Variants in MBNL2 observed in about 807,000 individuals in gnomAD.
MBNL2 encodes muscleblind like splicing regulator 2.
In MBNL2, 17 loss-of-function variants were observed where a neutral mutation model predicts 41.9. That is an observed-to-expected ratio of 0.41 (90% confidence interval 0.28 to 0.61). The LOEUF (loss-of-function observed/expected upper bound fraction) is 0.61. Ranked by LOEUF, MBNL2 falls within the 20% of genes least tolerant of loss-of-function variation. MBNL2 has a pLI of 0.35. For missense variants in MBNL2, 336 were observed against 505.6 expected (o/e 0.66, Z 3.22); for synonymous variants, 195 against 182.9 (o/e 1.07, Z -0.53).
At chr13:97,214,670 G>T in the MBNL2 span, among the ~76,000 whole-genome samples, 1 of 152,150 alleles carries the variant, frequency 6.6e-6, no homozygotes, top group Non-Finnish European at 1.5e-5. Context: ...CTCACCTGCA[G>T]CTTAGAGACC....
the MBNL2 span, among the ~76,000 whole-genome samples, chr13:97,158,470 T>C: frequency 1.3e-5 from 2 of 152,176 alleles, no homozygotes; most frequent in Non-Finnish European, 2.9e-5. Context: ...CTTTTGTAGT[T>C]CTTTTAATTG....
chr13:97,240,472 T>TA (rs755053888), intron 1 of MBNL2, among the ~76,000 whole-genome samples: 14 of 152,278 alleles, frequency 9.2e-5, no homozygotes, highest in Admixed American at 1.3e-4. Flanking sequence ...ATAAATAAGA[T>TA]ATAGTTATCT....
At position 97,385,983 on chromosome 13, in the gene MBNL2, T is replaced by C. The variant is rs377663984; in HGVS notation, c.1049-5339T>C. ...ATCATGAGTGACAGGTATGGATGGCTCAGCCTAAATCCATCATCACATGGC... is the reference window on the plus strand; with the variant it reads ...ATCATGAGTGACAGGTATGGATGGCCCAGCCTAAATCCATCATCACATGGC... On this transcript the variant is annotated intron_variant, in intron 8 of 8. Transcript: ENST00000679496. Among the ~76,000 whole-genome samples the C allele has an allele frequency of 4.9e-4, 75 of 152,372 alleles. 1 individual carries two copies. The East Asian group carries it at 0.014, about 28-fold the overall frequency.
In MBNL2 at chr13:97,366,878, G is replaced by A. The variant is rs144928346; in HGVS notation, c.1048+1707G>A. Among the ~76,000 whole-genome samples the A allele has an allele frequency of 7.2e-4, 110 of 152,152 alleles. No homozygotes were observed. Among genetic ancestry groups the A allele is most frequent in the Non-Finnish European group, 9.3e-4 (63 of 68,004 alleles). ...GAATGGCCACATAAAAATTGTAGAC[G>A]CGCACCCATGGGTGCTTCAAAACTG... On this transcript the variant is annotated intron_variant, in intron 8 of 8. Transcript: ENST00000679496. The surrounding 1 kb of genome is among the most constrained non-coding windows in gnomAD (Gnocchi z 4.7).
intron 1 of MBNL2, among the ~76,000 whole-genome samples, chr13:97,254,802 G>A (rs918533978): frequency 1.3e-5 from 2 of 152,120 alleles, no homozygotes; most frequent in Admixed American, 1.3e-4. Context: ...TCAAATATGA[G>A]CAAACACGAC....
chr13:97,357,790 C>T, intron 7 of MBNL2, 155 bp downstream of exon 7: 1 of 773,450 alleles, frequency 1.3e-6, no homozygotes, highest in Admixed American at 1.9e-5. Context: ...ATTTACCTTA[C>T]TTTGAATGAT....
the MBNL2 span, among the ~76,000 whole-genome samples, chr13:97,199,007 A>C: frequency 6.6e-6 from 1 of 152,102 alleles, no homozygotes; most frequent in Non-Finnish European, 1.5e-5. Context: ...CAAGCCATAG[A>C]TCTTACAAAC....
At chr13:97,309,053 A>C (rs2058359249) in intron 2 of MBNL2, among the ~76,000 whole-genome samples, 1 of 152,150 alleles carries the variant, frequency 6.6e-6, no homozygotes, top group Admixed American at 6.5e-5. Context: ...AGAGGCAGAA[A>C]AGTGTGGGTG....
chr13:97,318,802 C>G (rs2059264388), intron 2 of MBNL2, among the ~76,000 whole-genome samples: 1 of 152,158 alleles, frequency 6.6e-6, no homozygotes, highest in Non-Finnish European at 1.5e-5. Context: ...CTAAGTTGGG[C>G]TGAATTTGAC....
the MBNL2 span, among the ~76,000 whole-genome samples, chr13:97,185,865 T>TA: frequency 6.6e-6 from 1 of 152,256 alleles, no homozygotes; most frequent in Non-Finnish European, 1.5e-5. Flanking sequence ...GGCAAGGCTC[T>TA]AGGCGCTCCA....
intron 1 of MBNL2, among the ~76,000 whole-genome samples, chr13:97,253,332 A>G (rs1350851231): frequency 6.6e-6 from 1 of 152,238 alleles, no homozygotes; most frequent in African/African-American, 2.4e-5. Context: ...TCCCAACCCT[A>G]CAGAATCTCA....
the MBNL2 span, among the ~76,000 whole-genome samples, chr13:97,208,354 A>G: frequency 2.6e-5 from 4 of 152,246 alleles, no homozygotes; most frequent in African/African-American, 9.6e-5. Context: ...GTAGGAATCA[A>G]TGATTGAGGA....
At chr13:97,247,480 C>T (rs567275727) in intron 1 of MBNL2, among the ~76,000 whole-genome samples, 1 of 152,286 alleles carries the variant, frequency 6.6e-6, no homozygotes, top group South Asian at 2.1e-4. Flanking sequence ...TAAACATGAA[C>T]CCCGACATAG....
In MBNL2 at chr13:97,374,063, A is replaced by ATTTTTTTTTTTTT. The variant is rs61185219; in HGVS notation, c.1048+8909_1048+8921dup. ...CACCTCAAATCCCATCCTCCTTTGC[A>ATTTTTTTTTTTTT]TTTTTTTTTTTTTTTTTTTTTTTTT... On this transcript the variant is annotated intron_variant, in intron 8 of 8. Coordinates refer to ENST00000679496, the MANE Select transcript of MBNL2 (RefSeq NM_001382683.1). 2.5e-3 allele frequency among the ~76,000 whole-genome samples: 156 copies of ATTTTTTTTTTTTT among 63,102 alleles called. 17 individuals are homozygous for ATTTTTTTTTTTTT. Among genetic ancestry groups the ATTTTTTTTTTTTT allele is most frequent in the Non-Finnish European group, 3.2e-3 (103 of 32,506 alleles). 41.4% of individuals were successfully genotyped at this position (63,102 alleles called of 152,430 possible). A position where few individuals can be genotyped will look rare whatever the true frequency, so the allele number is the denominator to read the frequency against.
chr13:97,161,523 C>G, the MBNL2 span, among the ~76,000 whole-genome samples: 1 of 152,108 alleles, frequency 6.6e-6, no homozygotes, highest in Non-Finnish European at 1.5e-5. Flanking sequence ...TGCAGTAACA[C>G]CTTGGGCTCA....
intron 1 of MBNL2, among the ~76,000 whole-genome samples, chr13:97,263,096 G>A (rs752547840): frequency 1.3e-5 from 2 of 151,822 alleles, no homozygotes; most frequent in African/African-American, 4.8e-5. Flanking sequence ...CTTGAAGTCC[G>A]TTTTGATCCA....
intron 1 of MBNL2, among the ~76,000 whole-genome samples, chr13:97,245,985 T>C (rs909567256): frequency 6.6e-6 from 1 of 152,176 alleles, no homozygotes; most frequent in African/African-American, 2.4e-5. Context: ...AGAATGTTTT[T>C]CTCCCTAATT....
At chr13:97,333,453 C>G (rs1247022204) in intron 2 of MBNL2, among the ~76,000 whole-genome samples, 1 of 152,198 alleles carries the variant, frequency 6.6e-6, no homozygotes, top group Non-Finnish European at 1.5e-5. Flanking sequence ...TATGTCACAT[C>G]ATGACATCAG....
intron 8 of MBNL2, among the ~76,000 whole-genome samples, chr13:97,379,134 A>G (rs2065210489): frequency 6.6e-6 from 1 of 152,224 alleles, no homozygotes; most frequent in Admixed American, 6.5e-5. Context: ...ATTGCTTTGA[A>G]AAGTTTTGAC....
Sources: allele counts gnomAD v4.1 joint callset (sites outside exome capture counted in the v4.1 genomes callset), GRCh38; gene constraint gnomAD v4.1.1; non-coding constraint Gnocchi (gnomAD v3.1); transcripts MANE v1.5; gene names NCBI Gene and HGNC (gene_info 2026-07-23, HGNC 2026-07-21).